SLC9A7: variants seen among roughly 807,000 people sequenced by gnomAD.
SLC9A7 encodes the protein solute carrier family 9 member A7.
SLC9A7 carries 19 observed loss-of-function variants against 52.6 expected under a neutral mutation model. That is an observed-to-expected ratio of 0.36 (90% CI 0.25 to 0.53). The LOEUF is 0.53. SLC9A7 is among the 20% of genes least tolerant of loss of function. The pLI, the probability that SLC9A7 is intolerant of heterozygous loss-of-function variation, is 0.91. For missense variants in SLC9A7, 455 were observed against 597.9 expected (o/e 0.76, Z 2.49); for synonymous variants, 226 against 252.1 (o/e 0.90, Z 0.98).
intron 1 of SLC9A7, 68 bp from the exon 2 acceptor site, chrX:46,682,603 G>A: frequency 1.0e-6 from 1 of 998,741 alleles, no homozygotes; most frequent in Non-Finnish European, 1.4e-6. Flanking sequence ...TAATGGCATA[G>A]TTGACTTTCA....
At chrX:46,625,802 T>G (rs1943119325) in intron 14 of SLC9A7, among the ~76,000 whole-genome samples, 1 of 111,086 alleles carries the variant, frequency 9.0e-6, no homozygotes, top group African/African-American at 3.3e-5. Flanking sequence ...GATTCAGAGC[T>G]TGACTTGCCC....
chrX:46,659,775 T>C (rs1413537275), intron 7 of SLC9A7, among the ~76,000 whole-genome samples: 11 of 72,091 alleles, frequency 1.5e-4, no homozygotes, highest in Non-Finnish European at 2.5e-4. Flanking sequence ...GAAGAATCAA[T>C]ATCGTGAAAA....
At chrX:46,677,203 C>G (rs187322060) in intron 3 of SLC9A7, among the ~76,000 whole-genome samples, 1 of 111,945 alleles carries the variant, frequency 8.9e-6, no homozygotes, top group East Asian at 2.8e-4. Flanking sequence ...CCCTGTTGTG[C>G]AAGGTGGGGA....
chrX:46,674,567 G>A (rs913850388), intron 3 of SLC9A7, among the ~76,000 whole-genome samples: 5 of 111,491 alleles, frequency 4.5e-5, no homozygotes, highest in Admixed American at 9.6e-5. Context: ...CAAGTCACAC[G>A]TCCGCCAAAC....
chrX:46,697,924 C>A (rs1421873254), intron 1 of SLC9A7, among the ~76,000 whole-genome samples: 2 of 111,203 alleles, frequency 1.8e-5, no homozygotes, highest in East Asian at 5.6e-4. Flanking sequence ...CTGAACTGGC[C>A]CCCCTGGGCA....
At chrX:46,635,888 T>C (rs1248807814) in intron 12 of SLC9A7, among the ~76,000 whole-genome samples, 1 of 111,958 alleles carries the variant, frequency 8.9e-6, no homozygotes, top group East Asian at 2.8e-4. Context: ...GGAATGAGGA[T>C]GAGCCCCTCA....
intron 1 of SLC9A7, among the ~76,000 whole-genome samples, chrX:46,738,061 AAG>A (rs1473051898): frequency 1.5e-5 from 1 of 68,473 alleles, no homozygotes; most frequent in Non-Finnish European, 3.6e-5. Flanking sequence ...GAAAGAAAGA[AAG>A]AAAGAAAGAA....
chrX:46,601,478 T>G lies in SLC9A7; in HGVS notation c.*5474A>C, dbSNP rs958778238. 1.8e-5 allele frequency: 2 copies of G among 112,675 alleles called. No homozygotes were observed. Among genetic ancestry groups the G allele is most frequent in the Admixed American group, 9.4e-5 (1 of 10,620 alleles). The allele number at this position is 112,675 out of a possible 1,213,427, so 9.3% of individuals were successfully genotyped here. A position where few individuals can be genotyped will look rare whatever the true frequency, so the allele number is the denominator to read the frequency against. On this transcript the variant is annotated 3_prime_UTR_variant, in exon 17 of 17. Transcript: ENST00000616978. Reference sequence around the variant, plus strand: ...TGTCCTAGACCGAATCGTTCATGGATAGCTGAGATACCCTTTTGCATGTTT... The same window carrying G: ...TGTCCTAGACCGAATCGTTCATGGAGAGCTGAGATACCCTTTTGCATGTTT...
chrX:46,611,925 G>A (rs1210325004), intron 16 of SLC9A7, among the ~76,000 whole-genome samples: 1 of 111,823 alleles, frequency 8.9e-6, no homozygotes, highest in Admixed American at 9.5e-5. Context: ...CCACATGAAT[G>A]TGCACTGCCT....
At chrX:46,723,914 C>T (rs1317261637) in intron 1 of SLC9A7, among the ~76,000 whole-genome samples, 1 of 111,205 alleles carries the variant, frequency 9.0e-6, no homozygotes, top group Non-Finnish European at 1.9e-5. Context: ...ATGGTGAAAC[C>T]TCATCTCTAC....
rs1942636443 is a variant in SLC9A7 at position 46,600,006 on chromosome X, A to G, written c.*6946T>C. The G allele has an allele frequency of 8.9e-6, 1 of 112,177 alleles. No homozygotes were observed. Among genetic ancestry groups the G allele is most frequent in the Non-Finnish European group, 1.9e-5 (1 of 53,288 alleles). 9.2% of individuals were successfully genotyped at this position (112,177 alleles called of 1,213,427 possible). A position where few individuals can be genotyped will look rare whatever the true frequency, so the allele number is the denominator to read the frequency against. ...CAACTTTCCAAGTAAAAAGTACCAGATGTATTTTATGTGAAAAACAAAAGG... is the reference window on the plus strand; with the variant it reads ...CAACTTTCCAAGTAAAAAGTACCAGGTGTATTTTATGTGAAAAACAAAAGG... On this transcript the variant is annotated 3_prime_UTR_variant, in exon 17 of 17. Transcript: ENST00000616978.
chrX:46,722,444 G>A (rs768936547), intron 1 of SLC9A7, among the ~76,000 whole-genome samples: 53 of 111,949 alleles, frequency 4.7e-4, no homozygotes, highest in Admixed American at 7.6e-4. Flanking sequence ...GAGAGTGATA[G>A]TTGAGTTCTT....
At chrX:46,624,990 AG>A (rs1943101659) in intron 14 of SLC9A7, among the ~76,000 whole-genome samples, 1 of 111,930 alleles carries the variant, frequency 8.9e-6, no homozygotes, top group Non-Finnish European at 1.9e-5. Flanking sequence ...CACTCTTTCC[AG>A]AAGGTGAAGG....
chrX:46,604,293 C>T lies in SLC9A7; in HGVS notation c.*2659G>A, dbSNP rs1319098180. 8.9e-6 allele frequency: 1 copy of T among 111,879 alleles called. No individual in the cohort carries two copies. Among genetic ancestry groups the T allele is most frequent in the Non-Finnish European group, 1.9e-5 (1 of 53,193 alleles). The allele number at this position is 111,879 out of a possible 1,213,427, so 9.2% of individuals were successfully genotyped here. ...TCTTATTCTTAAGTCCTTCACTAGC[C>T]TAGTTGACCCTGAGGGCTCATGGGT... On this transcript the variant is annotated 3_prime_UTR_variant, in exon 17 of 17. Coordinates refer to ENST00000616978, the MANE Select transcript of SLC9A7 (RefSeq NM_001257291.2).
At position 46,739,010 on chromosome X, in the gene SLC9A7, C is replaced by A. The variant is rs966306781; in HGVS notation, c.325+19695G>T. Among the ~76,000 whole-genome samples, 3 of 111,469 alleles carry A rather than the reference C, an allele frequency of 2.7e-5. No homozygotes were observed. In the East Asian group the frequency reaches 8.4e-4, roughly 31 times the overall value. ...CATTACTTACACTATAAAAAGTGTTCTTCCTTCTATCTCCATATCTACCGC... is the reference window on the plus strand; with the variant it reads ...CATTACTTACACTATAAAAAGTGTTATTCCTTCTATCTCCATATCTACCGC... On this transcript the variant is annotated intron_variant, in intron 1 of 16. Transcript: ENST00000616978.
At chrX:46,654,133 GTAA>G (rs2146787067) in intron 7 of SLC9A7, among the ~76,000 whole-genome samples, 1 of 111,574 alleles carries the variant, frequency 9.0e-6, no homozygotes, top group South Asian at 3.8e-4. Context: ...ACTCATGCCT[GTAA>G]TCCTAGCACT....
chrX:46,614,158 G>A (rs1462151404), intron 15 of SLC9A7, among the ~76,000 whole-genome samples: 1 of 111,252 alleles, frequency 9.0e-6, no homozygotes, highest in East Asian at 2.8e-4. Context: ...GATGCCCCTC[G>A]ACTTATGATG....
Position 46,704,228 on chromosome X carries a change from G to A in SLC9A7, c.326-21693C>T, listed in dbSNP as rs12353678. Among the ~76,000 whole-genome samples the A allele has an allele frequency of 7.1e-3, 794 of 111,226 alleles. 9 individuals carry two copies. Among genetic ancestry groups the A allele is most frequent in the African/African-American group, 0.023 (714 of 30,586 alleles). On this transcript the variant is annotated intron_variant, in intron 1 of 16. Coordinates refer to ENST00000616978, the MANE Select transcript of SLC9A7 (RefSeq NM_001257291.2). ...GTTGCCTATACAACTGTTACTGCAC[G>A]TCCTCCTCATGAGACTACAAGCTCC...
In SLC9A7 at chrX:46,738,026, CAAAA is replaced by C. The variant is rs1400227047; in HGVS notation, c.325+20675_325+20678del. On this transcript the variant is annotated intron_variant, in intron 1 of 16. Coordinates refer to ENST00000616978, the MANE Select transcript of SLC9A7 (RefSeq NM_001257291.2). ...TAGGAAACAGAGTGAGACCCTGTCT[CAAAA>C]AAAAGAAAGAAAGAAAGAAAGAAAG... is the stretch of plus-strand genomic sequence containing the variant. 1.6e-3 allele frequency among the ~76,000 whole-genome samples: 111 copies of C among 71,228 alleles called. 1 individual carries two copies. The highest frequency in any genetic ancestry group is 5.5e-3 in the African/African-American group (95 of 17,231). The allele number at this position is 71,228 out of a possible 115,157, so 61.9% of individuals were successfully genotyped here.
Sources: gnomAD v4.1 joint callset for allele counts (sites outside exome capture counted in the v4.1 genomes callset) on GRCh38, gnomAD v4.1.1 for gene constraint, MANE v1.5 for transcripts, NCBI Gene and HGNC (gene_info 2026-07-23, HGNC 2026-07-21) for gene names.